The following GSTK1 variants were observed in gnomAD, a reference collection of about 807,000 sequenced individuals.
GSTK1 encodes GST class-kappa.
Under a neutral mutation model 30.9 loss-of-function variants are expected in GSTK1, and 25 were observed. That is an observed-to-expected ratio of 0.81 (90% CI 0.59 to 1.13). The LOEUF (loss-of-function observed/expected upper bound fraction) is 1.13, where lower values mean the gene tolerates loss of function less well. Among genes scored for constraint, GSTK1 ranks in the 50% most tolerant of loss-of-function variants. GSTK1 has a pLI of 0.00. For synonymous variants in GSTK1, 108 were observed against 112.5 expected (o/e 0.96, Z 0.25); for missense variants, 292 against 292.4 (o/e 1.00, Z 0.01).
At chr7:143,267,161 C>T (rs1800904288) in intron 5 of GSTK1, among the ~76,000 whole-genome samples, 1 of 152,180 alleles carries the variant, frequency 6.6e-6, no homozygotes, top group African/African-American at 2.4e-5. Flanking sequence ...ACTGGAATTA[C>T]AGCCTAGCTC....
intron 1 of GSTK1, 65 bp downstream of exon 1, chr7:143,263,650 A>C: frequency 2.7e-6 from 4 of 1,471,388 alleles, no homozygotes; most frequent in Non-Finnish European, 3.8e-6. Context: ...GAGTGAGCGC[A>C]GGGCTCCGGG....
chr7:143,264,719 CAG>C (rs778972785), intron 3 of GSTK1, 43 bp downstream of exon 3: 3 of 1,610,872 alleles, frequency 1.9e-6, no homozygotes, highest in Non-Finnish European at 2.5e-6. Flanking sequence ...GTGAAAAACA[CAG>C]AAGTCGGAGA....
intron 1 of GSTK1, 126 bp downstream of exon 1, chr7:143,263,711 G>A (rs1332627014): frequency 1.2e-5 from 10 of 836,272 alleles, no homozygotes; most frequent in Admixed American, 2.3e-5. Context: ...AAGGCAAGCA[G>A]GGAGAGCTCC....
In GSTK1 at chr7:143,265,558, G is replaced by A. The variant is rs574824567; in HGVS notation, c.420+262G>A. ...TATTTGCTGAAAGATGTCAGTGAGA[G>A]AAAGATGCTCAGTGTTGGAACCCCT... is the stretch of plus-strand genomic sequence containing the variant. On this transcript the variant is annotated intron_variant, in intron 5 of 7. Coordinates refer to ENST00000358406, the MANE Select transcript of GSTK1 (RefSeq NM_015917.3). Among the ~76,000 whole-genome samples, 8 of 152,260 alleles carry A rather than the reference G, an allele frequency of 5.3e-5. No individual in the cohort carries two copies. In the East Asian group the frequency reaches 1.3e-3, roughly 26 times the overall value.
At chr7:143,267,495 G>C in intron 5 of GSTK1, 122 bp from the exon 6 acceptor site, 1 of 716,196 alleles carries the variant, frequency 1.4e-6, no homozygotes, top group Non-Finnish European at 2.5e-6. Flanking sequence ...CTCCACTTGT[G>C]GGTGGGTAAG....
chr7:143,268,806 C>T lies in GSTK1; in HGVS notation c.650C>T (p.Pro217Leu). The T allele has an allele frequency of 1.2e-6, 2 of 1,614,028 alleles. No individual in the cohort carries two copies. The highest frequency in any genetic ancestry group is 1.7e-6 in the Non-Finnish European group (2 of 1,179,926). ...CATCCAGGAGAGAAGTGGATGGGCC[C>T]TATACCTCCAGCCGTGAATGCCAGA... is the stretch of plus-strand genomic sequence containing the variant. ...AHLLGEKWMGPIPPAVNARL is the reference protein window; with the variant it reads ...AHLLGEKWMGLIPPAVNARL The change falls in exon 8 of 8, where the codon CCT becomes CTT. Residue 217 changes from proline to leucine, a missense_variant. Transcript: ENST00000358406. This position sits in a 1 kb window ranked among gnomAD's most constrained non-coding sequence, Gnocchi z 4.1.
intron 6 of GSTK1, 94 bp downstream of exon 6, chr7:143,267,827 C>A: frequency 1.1e-6 from 1 of 883,378 alleles, no homozygotes; most frequent in Non-Finnish European, 1.8e-6. Context: ...TGTACAAAAG[C>A]CCCCTTTCCA....
Position 143,264,589 on chromosome 7 carries a change from A to G in GSTK1, c.196A>G (p.Met66Val). 6.2e-7 allele frequency: 1 copy of G among 1,614,022 alleles called. No individual in the cohort carries two copies. Among genetic ancestry groups the G allele is most frequent in the Non-Finnish European group, 8.5e-7 (1 of 1,179,904 alleles). Reference sequence around the variant, plus strand: ...TCTGCTTCCCCGCAAAGGACTATACATGGCAAATGACTTAAAGCTCCTGAG... The same window carrying G: ...TCTGCTTCCCCGCAAAGGACTATACGTGGCAAATGACTTAAAGCTCCTGAG... ...PGLLPRKGLY[M>V]ANDLKLLRHH... The change falls in exon 3 of 8, where the codon ATG becomes GTG. Residue 66 changes from methionine to valine, a missense_variant. Physicochemically the swap from Met to Val is conservative, Grantham distance 21. Transcript: ENST00000358406.
rs1309796367 is a variant in GSTK1, at chr7:143,264,079, C to T, written c.73-7C>T. On this transcript the variant is annotated splice_polypyrimidine_tract_variant and splice_region_variant and intron_variant, in intron 1 of 7. Coordinates refer to ENST00000358406, the MANE Select transcript of GSTK1 (RefSeq NM_015917.3). ...CACTGGCAATCGTTCTTGACCTCTG[C>T]CCGCAGATCCTGTGCCGGTATCAGA... 2 of 1,613,830 alleles carry T rather than the reference C, an allele frequency of 1.2e-6. No homozygotes were observed. Among genetic ancestry groups the T allele is most frequent in the South Asian group, 2.2e-5 (2 of 91,080 alleles).
chr7:143,265,873 C>A (rs1029475811), intron 5 of GSTK1, among the ~76,000 whole-genome samples: 1 of 151,912 alleles, frequency 6.6e-6, no homozygotes, highest in African/African-American at 2.4e-5. Context: ...ATAGTTGAGA[C>A]CTATTCAAAT....
In GSTK1 at chr7:143,263,843, G is replaced by A. The variant is rs1002716850; in HGVS notation, c.73-243G>A. The A allele has an allele frequency of 3.5e-5, 21 of 603,118 alleles. No individual in the cohort carries two copies. In the African/African-American group the frequency reaches 3.5e-4, roughly 10 times the overall value. 37.4% of individuals were successfully genotyped at this position (603,118 alleles called of 1,614,324 possible). Reference sequence around the variant, plus strand: ...AGAGGGGCGGCTCCAAACATTCAGGGAGAAATGCAGAACACGGCCACCTCT... The same window carrying A: ...AGAGGGGCGGCTCCAAACATTCAGGAAGAAATGCAGAACACGGCCACCTCT... On this transcript the variant is annotated intron_variant, in intron 1 of 7. Coordinates refer to ENST00000358406, the MANE Select transcript of GSTK1 (RefSeq NM_015917.3).
chr7:143,263,696 G>C, intron 1 of GSTK1, 111 bp downstream of exon 1: 1 of 996,472 alleles, frequency 1.0e-6, no homozygotes, highest in Non-Finnish European at 1.5e-6. Flanking sequence ...GCCGCCCAAG[G>C]GGTTAAGGCA....
In GSTK1 at chr7:143,268,666, C is replaced by G; in HGVS notation, c.632-122C>G. 6.4e-6 allele frequency: 5 copies of G among 784,504 alleles called. No homozygotes were observed. The highest frequency in any genetic ancestry group is 1.5e-5 in the South Asian group (1 of 65,216). The allele number at this position is 784,504 out of a possible 1,614,324, so 48.6% of individuals were successfully genotyped here. On this transcript the variant is annotated intron_variant, in intron 7 of 7. Transcript: ENST00000358406. This position sits in a 1 kb window ranked among gnomAD's most constrained non-coding sequence, Gnocchi z 4.1. ...TTCAACCCCATAAAAGAAAAGGAAG[C>G]CTTCTATACCTTGAAGCCAAGCAAA...
In GSTK1 at chr7:143,267,660, T is replaced by C; in HGVS notation, c.464T>C (p.Leu155Pro). 6.2e-7 allele frequency: 1 copy of C among 1,614,148 alleles called. No homozygotes were observed. The highest frequency in any genetic ancestry group is 8.5e-7 in the Non-Finnish European group (1 of 1,180,020). The part of the protein sequence containing the change: ...AGMSAEQAQG[L>P]LEKIATPKVK... ...ATGTCTGCAGAACAAGCCCAGGGACTTCTGGAAAAGATCGCAACGCCAAAG... is the reference window on the plus strand; with the variant it reads ...ATGTCTGCAGAACAAGCCCAGGGACCTCTGGAAAAGATCGCAACGCCAAAG... Residue 155 changes from leucine to proline, a missense_variant, in exon 6 of 8, where the codon CTT (leucine) becomes CCT (proline). Coordinates refer to ENST00000358406, the MANE Select transcript of GSTK1 (RefSeq NM_015917.3).
In GSTK1 at chr7:143,268,149, G is replaced by A; in HGVS notation, c.596G>A (p.Gly199Asp). Residue 199 changes from glycine (G) to aspartate (D), a missense_variant, in exon 7 of 8, where the codon GGC becomes GAC. By Grantham distance (94) the Gly-to-Asp change is moderately conservative (BLOSUM62 -1). Coordinates refer to ENST00000358406, the MANE Select transcript of GSTK1 (RefSeq NM_015917.3). The surrounding 1 kb of genome is among the most constrained non-coding windows in gnomAD (Gnocchi z 4.1). Reference protein sequence around the residue: ...HVDGQTHMLFGSDRMELLAHL... With the variant: ...HVDGQTHMLFDSDRMELLAHL... Reference sequence around the variant, plus strand: ...GATGGCCAAACCCACATGTTATTTGGCTCTGACCGGATGGAGCTGCTGGCG... The same window carrying A: ...GATGGCCAAACCCACATGTTATTTGACTCTGACCGGATGGAGCTGCTGGCG... 6.2e-7 allele frequency: 1 copy of A among 1,613,982 alleles called. No individual in the cohort carries two copies. Among genetic ancestry groups the A allele is most frequent in the Non-Finnish European group, 8.5e-7 (1 of 1,179,966 alleles).
At position 143,268,934 on chromosome 7, in the gene GSTK1, T is replaced by G; in HGVS notation, c.*97T>G. 1 of 1,027,198 alleles carries G rather than the reference T, an allele frequency of 9.7e-7. No individual in the cohort carries two copies. The highest frequency in any genetic ancestry group is 1.5e-6 in the Non-Finnish European group (1 of 653,346). 63.6% of individuals were successfully genotyped at this position (1,027,198 alleles called of 1,614,324 possible). On this transcript the variant is annotated 3_prime_UTR_variant, in exon 8 of 8. Coordinates refer to ENST00000358406, the MANE Select transcript of GSTK1 (RefSeq NM_015917.3). The surrounding 1 kb of genome is among the most constrained non-coding windows in gnomAD (Gnocchi z 4.1). ...AGGCACTGGGACTCGGATTTCTCTATCTGATAGAGGTATTTTCTGTGGCCC... is the reference window on the plus strand; with the variant it reads ...AGGCACTGGGACTCGGATTTCTCTAGCTGATAGAGGTATTTTCTGTGGCCC...
Position 143,264,571 on chromosome 7 carries a change from C to T in GSTK1, c.178C>T (p.Pro60Ser), listed in dbSNP as rs764051491. The T allele has an allele frequency of 1.4e-5, 22 of 1,614,050 alleles. No individual in the cohort carries two copies. Among genetic ancestry groups the T allele is most frequent in the Non-Finnish European group, 1.7e-5 (20 of 1,179,902 alleles). ...AGGAAACAAGCCTCCAGGTCTGCTT[C>T]CCCGCAAAGGACTATACATGGCAAA... is the stretch of plus-strand genomic sequence containing the variant. ...DSGNKPPGLL[P>S]RKGLYMANDL... is the part of the protein sequence containing the mutation. The change falls in exon 3 of 8, where the codon CCC becomes TCC. Residue 60 changes from proline (P) to serine (S), a missense_variant. Coordinates refer to ENST00000358406, the MANE Select transcript of GSTK1 (RefSeq NM_015917.3).
Position 143,268,749 on chromosome 7 carries a change from T to A in GSTK1, c.632-39T>A. Reference sequence around the variant, plus strand: ...GACCAACTCCTGCTGCCAGAACACCTGAGAACAGTGTGCAGAGTCTGTTGT... The same window carrying A: ...GACCAACTCCTGCTGCCAGAACACCAGAGAACAGTGTGCAGAGTCTGTTGT... On this transcript the variant is annotated intron_variant, in intron 7 of 7. Transcript: ENST00000358406. This position sits in a 1 kb window ranked among gnomAD's most constrained non-coding sequence, Gnocchi z 4.1. 1 of 1,593,402 alleles carries A rather than the reference T, an allele frequency of 6.3e-7. No homozygotes were observed. Among genetic ancestry groups the A allele is most frequent in the Non-Finnish European group, 8.6e-7 (1 of 1,161,208 alleles).
rs1407493006 is a variant in GSTK1 at position 143,268,165 on chromosome 7, G to A, written c.612G>A (p.Glu204=). 1 of 1,613,954 alleles carries A rather than the reference G, an allele frequency of 6.2e-7. No homozygotes were observed. The highest frequency in any genetic ancestry group is 8.5e-7 in the Non-Finnish European group (1 of 1,179,912). Residue 204 remains glutamate (E), a synonymous_variant, in exon 7 of 8, where the codon GAG becomes GAA. Coordinates refer to ENST00000358406, the MANE Select transcript of GSTK1 (RefSeq NM_015917.3). This position sits in a 1 kb window ranked among gnomAD's most constrained non-coding sequence, Gnocchi z 4.1. ...THMLFGSDRM[E]LLAHLLGEKW... The stretch of plus-strand genomic sequence containing the variant: ...TGTTATTTGGCTCTGACCGGATGGA[G>A]CTGCTGGCGCACCTGCTGGGTAAGT...
Sources: allele counts gnomAD v4.1 joint callset (sites outside exome capture counted in the v4.1 genomes callset), GRCh38; gene constraint gnomAD v4.1.1; non-coding constraint Gnocchi (gnomAD v3.1); transcripts MANE v1.5; gene names NCBI Gene and HGNC (gene_info 2026-07-23, HGNC 2026-07-21).